The following LPP variants were observed in gnomAD, a reference collection of about 807,000 sequenced individuals.
LPP encodes the protein lipoma-preferred partner.
LPP carries 38 observed loss-of-function variants against 60.4 expected under a neutral mutation model. The ratio of observed to expected loss-of-function variants is 0.63; its 90% CI spans 0.49 to 0.83. The LOEUF is 0.83. Ranked by LOEUF, LPP falls within the 40% of genes least tolerant of loss-of-function variation. LPP has a pLI of 0.00. For synonymous variants in LPP, 328 were observed against 290.8 expected (o/e 1.13, Z -1.30); for missense variants, 902 against 783.6 (o/e 1.15, Z -1.80).
chr3:188,194,728 A>C (rs982357010), intron 1 of LPP, among the ~76,000 whole-genome samples: 8 of 152,256 alleles, frequency 5.3e-5, no homozygotes, highest in Admixed American at 3.9e-4. Context: ...TTACAAGCTC[A>C]TATGACATAC....
At chr3:188,298,259 C>T (rs1748595000) in intron 2 of LPP, among the ~76,000 whole-genome samples, 1 of 152,148 alleles carries the variant, frequency 6.6e-6, no homozygotes, top group Non-Finnish European at 1.5e-5. Flanking sequence ...TTCTTGGGAA[C>T]AGCTTTCTGT....
chr3:188,175,263 A>AT (rs1722749812), intron 1 of LPP, among the ~76,000 whole-genome samples: 1 of 151,778 alleles, frequency 6.6e-6, no homozygotes, highest in African/African-American at 2.4e-5. Context: ...TTTTCTTTGT[A>AT]TTTTTAGTAG....
chr3:188,799,698 G>A (rs1233413906), intron 9 of LPP, among the ~76,000 whole-genome samples: 5 of 152,276 alleles, frequency 3.3e-5, no homozygotes, highest in South Asian at 2.1e-4. Flanking sequence ...AAAAAGGTAC[G>A]TAAGTGGGGT....
At chr3:188,662,221 A>G (rs1854738787) in intron 7 of LPP, among the ~76,000 whole-genome samples, 1 of 152,248 alleles carries the variant, frequency 6.6e-6, no homozygotes, top group Non-Finnish European at 1.5e-5. Flanking sequence ...AGCAGGTAAT[A>G]TGCATTTGAG....
chr3:188,425,239 CATTATGTTTATTG>C (rs1788973577), intron 4 of LPP, among the ~76,000 whole-genome samples: 1 of 151,936 alleles, frequency 6.6e-6, no homozygotes, highest in Non-Finnish European at 1.5e-5. Flanking sequence ...TTATGTGATG[CATTATGTTTATTG>C]ATTTGTGTAT....
At chr3:188,664,548 C>T (rs756416404) in intron 7 of LPP, among the ~76,000 whole-genome samples, 8 of 151,992 alleles carry the variant, frequency 5.3e-5, no homozygotes, top group Admixed American at 3.3e-4. Flanking sequence ...TTACCCTTAG[C>T]ATTTTCCTGA....
chr3:188,626,627 T>C (rs530512552), intron 7 of LPP, among the ~76,000 whole-genome samples: 1 of 152,280 alleles, frequency 6.6e-6, no homozygotes, highest in East Asian at 1.9e-4. Context: ...CCTCACATGG[T>C]CTTTCCTCTG....
At chr3:188,578,832 GC>G (rs1429361673) in intron 6 of LPP, among the ~76,000 whole-genome samples, 2 of 152,078 alleles carry the variant, frequency 1.3e-5, no homozygotes, top group African/African-American at 4.8e-5. Flanking sequence ...CCAGGATTCA[GC>G]CTTGGAAGTA....
intron 7 of LPP, among the ~76,000 whole-genome samples, chr3:188,620,088 A>G (rs964375449): frequency 6.6e-6 from 1 of 152,140 alleles, no homozygotes; most frequent in African/African-American, 2.4e-5. Flanking sequence ...ATGCACTAAA[A>G]TATGCACCTC....
chr3:188,192,518 A>T (rs1263318828), intron 1 of LPP, among the ~76,000 whole-genome samples: 1 of 152,242 alleles, frequency 6.6e-6, no homozygotes, highest in Non-Finnish European at 1.5e-5. Context: ...ATCACATGCC[A>T]GGTGTTAGGC....
At chr3:188,809,965 A>G (rs1386075177) in intron 9 of LPP, among the ~76,000 whole-genome samples, 1 of 152,042 alleles carries the variant, frequency 6.6e-6, no homozygotes, top group Non-Finnish European at 1.5e-5. Flanking sequence ...TGTTTTTGTC[A>G]GGTTTGTTGA....
chr3:188,406,053 G>T (rs1198426955), intron 3 of LPP, 59 bp from the exon 4 acceptor site: 3 of 1,399,980 alleles, frequency 2.1e-6, no homozygotes, highest in South Asian at 2.6e-5. Context: ...GCAATGAAAT[G>T]AGGAGTATTG....
chr3:188,682,087 T>C (rs1859662965), intron 7 of LPP, among the ~76,000 whole-genome samples: 1 of 152,226 alleles, frequency 6.6e-6, no homozygotes, highest in Non-Finnish European at 1.5e-5. Context: ...GTATCCTCGT[T>C]TTTTTGCAGA....
chr3:188,280,883 T>A (rs1255814325), intron 2 of LPP, among the ~76,000 whole-genome samples: 19 of 152,098 alleles, frequency 1.2e-4, no homozygotes. Flanking sequence ...TGACTCAGCT[T>A]CTTCTTCATG....
At chr3:188,448,820 AG>A (rs1180069236) in intron 4 of LPP, among the ~76,000 whole-genome samples, 1 of 152,232 alleles carries the variant, frequency 6.6e-6, no homozygotes. Flanking sequence ...TAAAAATCTT[AG>A]TGAGTTGTTG....
chr3:188,856,421 T>C (rs1763845970), intron 9 of LPP, among the ~76,000 whole-genome samples: 1 of 152,210 alleles, frequency 6.6e-6, no homozygotes, highest in African/African-American at 2.4e-5. Flanking sequence ...GTAATAAGAA[T>C]GATAGAAGTT....
chr3:188,221,413 C>T (rs1715731453), intron 1 of LPP, among the ~76,000 whole-genome samples: 1 of 152,120 alleles, frequency 6.6e-6, no homozygotes. Context: ...TAGGCATGTC[C>T]AACTCAGCAC....
Position 188,874,598 on chromosome 3 carries a change from T to C in LPP, c.*119T>C. On this transcript the variant is annotated 3_prime_UTR_variant, in exon 12 of 12. Coordinates refer to ENST00000617246, the MANE Select transcript of LPP (RefSeq NM_001375462.1). ...TCTGTTCTTCATCTGCTATTAACCT[T>C]GCCTTAGAAACACATAAATTATGAG... 1 of 1,172,670 alleles carries C rather than the reference T, an allele frequency of 8.5e-7. No individual in the cohort carries two copies. Among genetic ancestry groups the C allele is most frequent in the Non-Finnish European group, 1.2e-6 (1 of 849,670 alleles). 72.6% of individuals were successfully genotyped at this position (1,172,670 alleles called of 1,614,324 possible).
At chr3:188,731,516 T>TTTTTGTTTTTTTGTTTTGTTTTG (rs1553817762) in intron 8 of LPP, among the ~76,000 whole-genome samples, 1 of 145,700 alleles carries the variant, frequency 6.9e-6, no homozygotes, top group Admixed American at 6.9e-5. Context: ...TTTTTTGTTT[T>TTTTTGTTTTTTTGTTTTGTTTTG]TTTTGTTTTG....
Sources: allele counts gnomAD v4.1 joint callset (sites outside exome capture counted in the v4.1 genomes callset), GRCh38; gene constraint gnomAD v4.1.1; transcripts MANE v1.5; gene names NCBI Gene and HGNC (gene_info 2026-07-23, HGNC 2026-07-21).